Variants in STPG4 observed in about 807,000 individuals in gnomAD.
The protein encoded by STPG4 is sperm-tail PG-rich repeat containing 4, also known as protein STPG4.
In STPG4, 41 loss-of-function variants were observed where a neutral mutation model predicts 31.5. That is an observed-to-expected ratio of 1.30 (90% CI 1.01 to 1.69). The LOEUF is 1.69. STPG4 is among the 40% of genes most tolerant of loss of function. The probability of loss-of-function intolerance (pLI) is 0.00; values close to 1 mark genes in which losing one functional copy is unlikely to be tolerated. For synonymous variants in STPG4, 141 were observed against 103.0 expected (o/e 1.37, Z -2.24); for missense variants, 375 against 293.4 (o/e 1.28, Z -2.03).
chr2:47,151,534 A>G lies in STPG4; in HGVS notation c.142-19T>C, dbSNP rs1558690202. 1 of 1,610,720 alleles carries G rather than the reference A, an allele frequency of 6.2e-7. No homozygotes were observed. Among genetic ancestry groups the G allele is most frequent in the East Asian group, 2.2e-5 (1 of 44,854 alleles). ...GAGTATCCTGTGGAAAATTGACATC[A>G]GTTTTAAGATTGTGTAAACATGTAA... is the stretch of plus-strand genomic sequence containing the variant. On this transcript the variant is annotated intron_variant, in intron 2 of 6. Transcript: ENST00000445927.
chr2:47,117,292 C>G (rs980990706), intron 5 of STPG4, among the ~76,000 whole-genome samples: 1 of 152,184 alleles, frequency 6.6e-6, no homozygotes, highest in Non-Finnish European at 1.5e-5. Context: ...TCACTGCAAC[C>G]TCCTCCTTCT....
At chr2:47,132,526 T>G (rs1365048938) in intron 3 of STPG4, among the ~76,000 whole-genome samples, 1 of 152,188 alleles carries the variant, frequency 6.6e-6, no homozygotes, top group African/African-American at 2.4e-5. Context: ...AATACAAATT[T>G]AATGGTGAAA....
intron 5 of STPG4, among the ~76,000 whole-genome samples, chr2:47,094,404 G>A (rs1422046573): frequency 6.6e-6 from 1 of 152,170 alleles, no homozygotes; most frequent in South Asian, 2.1e-4. Flanking sequence ...TCTGGTACAT[G>A]ATTACATCTC....
intron 3 of STPG4, among the ~76,000 whole-genome samples, chr2:47,140,804 T>C (rs868302420): frequency 2.6e-5 from 4 of 152,136 alleles, no homozygotes; most frequent in Non-Finnish European, 4.4e-5. Flanking sequence ...AACAGATTTC[T>C]AATAGGATTT....
intron 5 of STPG4, among the ~76,000 whole-genome samples, chr2:47,117,419 G>C (rs1335206724): frequency 6.6e-6 from 1 of 152,132 alleles, no homozygotes; most frequent in Non-Finnish European, 1.5e-5. Context: ...ATGTTGGTCA[G>C]GCTGGTCTTG....
intron 5 of STPG4, among the ~76,000 whole-genome samples, chr2:47,096,579 A>C (rs771391186): frequency 2.0e-5 from 3 of 152,170 alleles, no homozygotes; most frequent in Non-Finnish European, 2.9e-5. Flanking sequence ...TAACAGTAGG[A>C]ATTCTCTTCC....
At chr2:47,103,768 G>A (rs1157520926) in intron 5 of STPG4, among the ~76,000 whole-genome samples, 1 of 151,968 alleles carries the variant, frequency 6.6e-6, no homozygotes, top group East Asian at 1.9e-4. Context: ...CCAACAACAG[G>A]ACTGAGGGTG....
At chr2:47,147,008 T>C (rs1011626867) in intron 3 of STPG4, among the ~76,000 whole-genome samples, 4 of 151,972 alleles carry the variant, frequency 2.6e-5, no homozygotes, top group Non-Finnish European at 5.9e-5. Flanking sequence ...TGGTGGCTGG[T>C]GCGTGCTTAT....
intron 5 of STPG4, among the ~76,000 whole-genome samples, chr2:47,122,815 CTGTT>C (rs3033274): frequency 3.3e-5 from 5 of 151,886 alleles, no homozygotes; most frequent in Admixed American, 6.6e-5. Context: ...GTTTGTTTGT[CTGTT>C]TGTTTTGTTT....
At position 47,127,065 on chromosome 2, in the gene STPG4, G is replaced by C. The variant is rs114219007; in HGVS notation, c.519+2876C>G. ...ATATTTCTATTTTTCTCTAGGTTTG[G>C]AACGGTCCCTGTTATTATCCCTTTG... On this transcript the variant is annotated intron_variant, in intron 5 of 6. Coordinates refer to ENST00000445927, the MANE Select transcript of STPG4 (RefSeq NM_001163561.2). Among the ~76,000 whole-genome samples, 1,280 of 151,896 alleles carry C rather than the reference G, an allele frequency of 8.4e-3. 20 individuals carry two copies. Among genetic ancestry groups the C allele is most frequent in the African/African-American group, 0.029 (1,209 of 41,412 alleles).
chr2:47,143,205 G>A (rs1056891290), intron 3 of STPG4, among the ~76,000 whole-genome samples: 2 of 152,122 alleles, frequency 1.3e-5, no homozygotes, highest in African/African-American at 2.4e-5. Flanking sequence ...CTGAGTTTAA[G>A]GCTATGTGCA....
Position 47,133,665 on chromosome 2 carries a change from C to T in STPG4, c.400-3405G>A, listed in dbSNP as rs539115387. Among the ~76,000 whole-genome samples, 3 of 148,440 alleles carry T rather than the reference C, an allele frequency of 2.0e-5. No homozygotes were observed. The South Asian group carries it at 6.4e-4, about 32-fold the overall frequency. ...CAATCTCGGCTCACCACAACCTCTG[C>T]CTCCCGGGTTCAAGTGATTCTCCTG... is the stretch of plus-strand genomic sequence containing the variant. On this transcript the variant is annotated intron_variant, in intron 3 of 6. Coordinates refer to ENST00000445927, the MANE Select transcript of STPG4 (RefSeq NM_001163561.2).
intron 5 of STPG4, among the ~76,000 whole-genome samples, chr2:47,109,782 A>T (rs1420231733): frequency 1.3e-5 from 2 of 152,170 alleles, no homozygotes; most frequent in Admixed American, 6.5e-5. Context: ...GGAATTTCAA[A>T]CTATCAGCTT....
At chr2:47,129,407 AC>A in intron 5 of STPG4, 1 of 153,390 alleles carries the variant, frequency 6.5e-6, no homozygotes, top group Non-Finnish European at 1.5e-5. Context: ...CTTATTTAGG[AC>A]CTCAGAGCAC....
chr2:47,116,629 C>T (rs546750607), intron 5 of STPG4, among the ~76,000 whole-genome samples: 2 of 152,274 alleles, frequency 1.3e-5, no homozygotes, highest in Admixed American at 6.5e-5. Flanking sequence ...TCCCTCTTTT[C>T]GGTTCCTTTT....
intron 6 of STPG4, among the ~76,000 whole-genome samples, chr2:47,089,792 C>G (rs985928669): frequency 2.6e-5 from 4 of 152,130 alleles, no homozygotes; most frequent in African/African-American, 9.7e-5. Context: ...GAGCCTCTTC[C>G]CTGTCTGTCC....
At chr2:47,128,518 G>A (rs1686407978) in intron 5 of STPG4, among the ~76,000 whole-genome samples, 1 of 152,120 alleles carries the variant, frequency 6.6e-6, no homozygotes, top group Non-Finnish European at 1.5e-5. Flanking sequence ...CAAGCCAGAA[G>A]ACAAAGTTTT....
chr2:47,106,971 G>C (rs1403767830), intron 5 of STPG4, among the ~76,000 whole-genome samples: 1 of 152,012 alleles, frequency 6.6e-6, no homozygotes, highest in African/African-American at 2.4e-5. Context: ...CTGGCCTAGA[G>C]ACCTCCCCTC....
chr2:47,114,451 G>A (rs1686104415), intron 5 of STPG4, among the ~76,000 whole-genome samples: 1 of 152,094 alleles, frequency 6.6e-6, no homozygotes, highest in Non-Finnish European at 1.5e-5. Flanking sequence ...AGGTTGCAGT[G>A]AGTCGAGATC....
Sources: allele counts gnomAD v4.1 joint callset (sites outside exome capture counted in the v4.1 genomes callset), GRCh38; gene constraint gnomAD v4.1.1; transcripts MANE v1.5; gene names NCBI Gene and HGNC (gene_info 2026-07-23, HGNC 2026-07-21).